SLC30A8: variants seen among roughly 807,000 people sequenced by gnomAD.
SLC30A8 encodes the protein proton-coupled zinc antiporter SLC30A8.
A neutral mutation model predicts 36.9 loss-of-function variants in SLC30A8; 27 were observed. The ratio of observed to expected loss-of-function variants is 0.73; its 90% CI spans 0.54 to 1.01. The LOEUF (loss-of-function observed/expected upper bound fraction) is 1.01, where lower values mean the gene tolerates loss of function less well. Among genes scored for constraint, SLC30A8 ranks in the 50% least tolerant of loss-of-function variants. SLC30A8 has a pLI of 0.00. For missense variants in SLC30A8, 439 were observed against 452.0 expected (o/e 0.97, Z 0.26); for synonymous variants, 164 against 172.4 (o/e 0.95, Z 0.38).
intron 2 of SLC30A8, among the ~76,000 whole-genome samples, chr8:117,081,151 GA>G (rs1818665055): frequency 6.6e-6 from 1 of 152,178 alleles, no homozygotes; most frequent in Non-Finnish European, 1.5e-5. Context: ...GGTAATGAGT[GA>G]AAAGATCAGG....
chr8:117,040,934 C>G (rs1437074328), intron 2 of SLC30A8, among the ~76,000 whole-genome samples: 1 of 152,078 alleles, frequency 6.6e-6, no homozygotes, highest in Non-Finnish European at 1.5e-5. Context: ...TGGGGAATCA[C>G]TGGCCCATGA....
chr8:117,068,765 C>T (rs1446264898), intron 2 of SLC30A8, among the ~76,000 whole-genome samples: 7 of 152,076 alleles, frequency 4.6e-5, no homozygotes, highest in African/African-American at 1.4e-4. Context: ...TTAGTAGAGA[C>T]GGGGTTTCAC....
intron 2 of SLC30A8, among the ~76,000 whole-genome samples, chr8:117,049,826 G>A (rs1817655345): frequency 6.6e-6 from 1 of 152,204 alleles, no homozygotes; most frequent in Admixed American, 6.5e-5. Context: ...ATTAAGAAGA[G>A]CGACTCCATT....
chr8:116,974,840 TGGTATAC>T (rs1814927463), intron 1 of SLC30A8, among the ~76,000 whole-genome samples: 1 of 152,040 alleles, frequency 6.6e-6, no homozygotes, highest in Non-Finnish European at 1.5e-5. Context: ...ATATACTCCA[TGGTATAC>T]TATGCAGTCA....
chr8:117,158,790 A>G (rs533024255), intron 4 of SLC30A8, among the ~76,000 whole-genome samples: 11 of 152,272 alleles, frequency 7.2e-5, no homozygotes, highest in Non-Finnish European at 1.3e-4. Flanking sequence ...CCATCTATCT[A>G]TCTAGTGATC....
chr8:117,029,561 C>T (rs1283468457), intron 1 of SLC30A8, among the ~76,000 whole-genome samples: 1 of 152,218 alleles, frequency 6.6e-6, no homozygotes, highest in Non-Finnish European at 1.5e-5. Flanking sequence ...AGCCCATCAT[C>T]ATAACCCTCG....
chr8:116,952,774 C>T (rs575912922), intron 1 of SLC30A8, among the ~76,000 whole-genome samples: 4 of 152,094 alleles, frequency 2.6e-5, no homozygotes, highest in Non-Finnish European at 5.9e-5. Flanking sequence ...ATTCTTTTAC[C>T]TTCTAGATAA....
intron 6 of SLC30A8, among the ~76,000 whole-genome samples, chr8:117,170,237 A>C (rs1293472135): frequency 3.9e-5 from 6 of 151,922 alleles, no homozygotes; most frequent in Non-Finnish European, 8.8e-5. Context: ...ACTCTGAAAG[A>C]CTCTAGATTT....
chr8:117,046,650 C>G (rs1292954180), intron 2 of SLC30A8, among the ~76,000 whole-genome samples: 1 of 152,174 alleles, frequency 6.6e-6, no homozygotes, highest in Non-Finnish European at 1.5e-5. Flanking sequence ...TTCTAAGAAT[C>G]CCCTTAGAGA....
At chr8:117,072,454 C>A (rs1165639075) in intron 2 of SLC30A8, among the ~76,000 whole-genome samples, 2 of 152,114 alleles carry the variant, frequency 1.3e-5, no homozygotes, top group Non-Finnish European at 2.9e-5. Flanking sequence ...GTGTTTATTT[C>A]TTTTTGCATT....
rs1372541448 is a variant in SLC30A8 at position 117,176,087 on chromosome 8, T to G, written c.*3406T>G. On this transcript the variant is annotated 3_prime_UTR_variant, in exon 8 of 8. Coordinates refer to ENST00000456015, the MANE Select transcript of SLC30A8 (RefSeq NM_173851.3). ...TCAAGTTCTTGGCTTTTCTCTGTCA[T>G]GTAGCCTCAACTTTCTCTGACCGGG... 2.0e-5 allele frequency: 3 copies of G among 152,110 alleles called. No homozygotes were observed. The highest frequency in any genetic ancestry group is 2.0e-4 in the Admixed American group (3 of 15,242). The allele number at this position is 152,110 out of a possible 1,614,324, so 9.4% of individuals were successfully genotyped here.
intron 1 of SLC30A8, among the ~76,000 whole-genome samples, chr8:116,976,508 A>G (rs528451849): frequency 6.6e-6 from 1 of 152,286 alleles, no homozygotes; most frequent in South Asian, 2.1e-4. Flanking sequence ...TCTGATCCCT[A>G]AGGAATCCAT....
chr8:117,114,826 G>T (rs1338390130), intron 2 of SLC30A8, among the ~76,000 whole-genome samples: 1 of 152,056 alleles, frequency 6.6e-6, no homozygotes, highest in Non-Finnish European at 1.5e-5. Flanking sequence ...TCAGAAATGG[G>T]AATGTAGAGA....
intron 1 of SLC30A8, among the ~76,000 whole-genome samples, chr8:117,037,140 C>A (rs1226933163): frequency 1.3e-5 from 2 of 152,062 alleles, no homozygotes; most frequent in South Asian, 2.1e-4. Context: ...AAAATAGATT[C>A]TTTTTTGGCA....
chr8:117,037,504 C>T lies in SLC30A8; in HGVS notation c.-265-1715C>T, dbSNP rs962286315. Among the ~76,000 whole-genome samples the T allele has an allele frequency of 3.9e-5, 6 of 152,016 alleles. No individual in the cohort carries two copies. The East Asian group carries it at 1.2e-3, about 29-fold the overall frequency. On this transcript the variant is annotated intron_variant, in intron 1 of 10. Coordinates refer to the SLC30A8 transcript ENST00000427715. ...GAGCAGGGGAGTCACCATACCACTGCCCCCCTCACCCACCGCTTAAGCCAG... is the reference window on the plus strand; with the variant it reads ...GAGCAGGGGAGTCACCATACCACTGTCCCCCTCACCCACCGCTTAAGCCAG...
intron 1 of SLC30A8, among the ~76,000 whole-genome samples, chr8:116,967,101 A>G (rs1814623536): frequency 1.3e-5 from 2 of 152,200 alleles, no homozygotes; most frequent in African/African-American, 4.8e-5. Flanking sequence ...GCATTCTATA[A>G]AGGACCAAGA....
intron 2 of SLC30A8, among the ~76,000 whole-genome samples, chr8:117,096,472 G>A (rs1563593098): frequency 6.6e-6 from 1 of 152,106 alleles, no homozygotes; most frequent in African/African-American, 2.4e-5. Context: ...GAAAGTAGAT[G>A]CATTTAATGA....
intron 2 of SLC30A8, among the ~76,000 whole-genome samples, chr8:117,112,099 C>T (rs915152541): frequency 2.6e-5 from 4 of 152,134 alleles, no homozygotes; most frequent in Admixed American, 2.0e-4. Context: ...ATCATTTTCT[C>T]TCCTCTAACC....
In SLC30A8 at chr8:117,153,045, T is replaced by C; in HGVS notation, c.373T>C (p.Ser125Pro). Reference sequence around the variant, plus strand: ...CAGTCTCTTCTCCCTGTGGTTGTCATCGAAGCCTCCCTCTAAGCGGCTGAC... The same window carrying C: ...CAGTCTCTTCTCCCTGTGGTTGTCACCGAAGCCTCCCTCTAAGCGGCTGAC... ...LLSLFSLWLS[S>P]KPPSKRLTFG... The change falls in exon 3 of 8, where the codon TCG (serine) becomes CCG (proline). Residue 125 changes from serine to proline, a missense_variant. Transcript: ENST00000456015. 1 of 1,613,406 alleles carries C rather than the reference T, an allele frequency of 6.2e-7. No individual in the cohort carries two copies. The highest frequency in any genetic ancestry group is 8.5e-7 in the Non-Finnish European group (1 of 1,179,490).
Sources: gnomAD v4.1 joint callset for allele counts (sites outside exome capture counted in the v4.1 genomes callset) on GRCh38, gnomAD v4.1.1 for gene constraint, MANE v1.5 for transcripts, NCBI Gene and HGNC (gene_info 2026-07-23, HGNC 2026-07-21) for gene names.